The following HMBOX1 variants were observed in gnomAD, a reference collection of about 807,000 sequenced individuals.
HMBOX1 encodes the protein homeobox-containing protein 1.
Under a neutral mutation model 54.5 loss-of-function variants are expected in HMBOX1, and 14 were observed. The observed-to-expected ratio is 0.26, with a 90% confidence interval of 0.17 to 0.40. HMBOX1 has a LOEUF of 0.40. Among genes scored for constraint, HMBOX1 ranks in the 10% least tolerant of loss-of-function variants. The pLI is 1.00. For synonymous variants in HMBOX1, 160 were observed against 181.0 expected, an observed-to-expected ratio of 0.88 and a Z score of 0.93; for missense variants, 332 against 514.4, an observed-to-expected ratio of 0.65 and a Z score of 3.43.
intron 2 of HMBOX1, among the ~76,000 whole-genome samples, chr8:28,965,962 C>A (rs899965354): frequency 3.3e-5 from 5 of 151,882 alleles, no homozygotes; most frequent in Admixed American, 2.0e-4. Context: ...ACAAAACTAA[C>A]CTATTTTGCC....
At chr8:28,928,532 G>A (rs1474910723) in intron 1 of HMBOX1, among the ~76,000 whole-genome samples, 1 of 152,054 alleles carries the variant, frequency 6.6e-6, no homozygotes, top group Non-Finnish European at 1.5e-5. Context: ...TATATCCAGA[G>A]GAAATAAAGT....
chr8:28,952,238 A>G (rs993411739), intron 1 of HMBOX1, among the ~76,000 whole-genome samples: 3 of 151,730 alleles, frequency 2.0e-5, no homozygotes, highest in African/African-American at 7.3e-5. Flanking sequence ...ATATTTATTT[A>G]TTTAGTTGTA....
intron 1 of HMBOX1, among the ~76,000 whole-genome samples, chr8:28,894,358 C>T (rs1811649638): frequency 1.3e-5 from 2 of 152,108 alleles, no homozygotes; most frequent in Admixed American, 1.3e-4. Flanking sequence ...AAGAAAGAAT[C>T]TGAGCCACAA....
intron 4 of HMBOX1, among the ~76,000 whole-genome samples, chr8:28,981,116 A>G (rs570440597): frequency 1.3e-5 from 2 of 152,300 alleles, no homozygotes; most frequent in East Asian, 3.9e-4. Flanking sequence ...TAATTTACCT[A>G]AAAGGTTGTT....
chr8:28,929,941 C>T (rs1563409294), intron 1 of HMBOX1, among the ~76,000 whole-genome samples: 1 of 137,226 alleles, frequency 7.3e-6, no homozygotes, highest in Non-Finnish European at 1.6e-5. Flanking sequence ...CCGCCCGCCC[C>T]CCGCCCCGCC....
At chr8:28,894,464 C>A (rs972508724) in intron 1 of HMBOX1, among the ~76,000 whole-genome samples, 4 of 151,998 alleles carry the variant, frequency 2.6e-5, no homozygotes, top group Admixed American at 1.3e-4. Flanking sequence ...TTTTCATTAT[C>A]ATTCCAAACC....
Position 28,980,066 on chromosome 8 carries a change from G to A in HMBOX1, c.501-5G>A. On this transcript the variant is annotated splice_region_variant and splice_polypyrimidine_tract_variant and intron_variant, in intron 3 of 9. Transcript: ENST00000287701. ...ATTGTTGGTCTTGTCTTCTGTTTTT[G>A]TTAGGAGGGACAGCAGTGTGATAAA... The A allele has an allele frequency of 6.2e-7, 1 of 1,607,442 alleles. No homozygotes were observed. Among genetic ancestry groups the A allele is most frequent in the Non-Finnish European group, 8.5e-7 (1 of 1,174,022 alleles).
At chr8:28,907,450 G>C (rs1451711696) in intron 1 of HMBOX1, among the ~76,000 whole-genome samples, 1 of 152,188 alleles carries the variant, frequency 6.6e-6, no homozygotes, top group East Asian at 1.9e-4. Context: ...GGACACTCGG[G>C]ATTTGAATTA....
At chr8:28,955,125 T>C (rs2132168245) in intron 1 of HMBOX1, among the ~76,000 whole-genome samples, 1 of 152,288 alleles carries the variant, frequency 6.6e-6, no homozygotes, top group South Asian at 2.1e-4. Flanking sequence ...TGGTAGGAAT[T>C]CTTATAATTT....
chr8:28,930,296 G>T lies in HMBOX1; in HGVS notation c.-57-33515G>T, dbSNP rs111309842. Among the ~76,000 whole-genome samples, 959 of 152,182 alleles carry T rather than the reference G, an allele frequency of 6.3e-3. 12 individuals are homozygous for T. The highest frequency in any genetic ancestry group is 0.053 in the East Asian group (272 of 5,172). ...ATCTCCTTCCCCAGTTATCACTATA[G>T]CCTTATAAATTTCTTCCTTTCTGTT... On this transcript the variant is annotated intron_variant, in intron 1 of 9. Coordinates refer to ENST00000287701, the MANE Select transcript of HMBOX1 (RefSeq NM_001135726.3).
intron 2 of HMBOX1, among the ~76,000 whole-genome samples, chr8:28,968,562 G>C (rs1218885772): frequency 6.6e-6 from 1 of 152,162 alleles, no homozygotes; most frequent in Non-Finnish European, 1.5e-5. Context: ...CTACCATGGG[G>C]AGTTGCTGTG....
At chr8:28,955,390 A>G (rs953638508) in intron 1 of HMBOX1, among the ~76,000 whole-genome samples, 2 of 152,176 alleles carry the variant, frequency 1.3e-5, no homozygotes, top group Non-Finnish European at 2.9e-5. Context: ...AGAGATGTGC[A>G]TATGTATGTC....
chr8:29,010,078 C>T, intron 5 of HMBOX1: 2 of 983,284 alleles, frequency 2.0e-6, no homozygotes, highest in Non-Finnish European at 2.4e-6. Flanking sequence ...AGATTTTTTT[C>T]CCTAAAGGTC....
In HMBOX1 at chr8:29,029,697, G is replaced by A. The variant is rs193208701; in HGVS notation, c.851+10784G>A. 3.3e-5 allele frequency among the ~76,000 whole-genome samples: 5 copies of A among 152,294 alleles called. No individual in the cohort carries two copies. In the East Asian group the frequency reaches 7.7e-4, roughly 23 times the overall value. On this transcript the variant is annotated intron_variant, in intron 6 of 9. Transcript: ENST00000287701. ...TAAATGAGATTAAGTTGCTTATTTTGAGAACTTACGGTTACGGGAACCGTA... is the reference window on the plus strand; with the variant it reads ...TAAATGAGATTAAGTTGCTTATTTTAAGAACTTACGGTTACGGGAACCGTA...
At chr8:28,951,022 A>G (rs931547178) in intron 1 of HMBOX1, among the ~76,000 whole-genome samples, 1 of 152,222 alleles carries the variant, frequency 6.6e-6, no homozygotes, top group African/African-American at 2.4e-5. Flanking sequence ...ATCATATGAC[A>G]GTAGCCTGGA....
chr8:29,011,680 T>TTA, intron 5 of HMBOX1, among the ~76,000 whole-genome samples: 1 of 152,106 alleles, frequency 6.6e-6, no homozygotes, highest in South Asian at 2.1e-4. Context: ...GAGTCCAGCT[T>TTA]TAGCACTGGG....
In HMBOX1 at chr8:28,997,130, T is replaced by C. The variant is rs556716285; in HGVS notation, c.587-11942T>C. 2.0e-5 allele frequency among the ~76,000 whole-genome samples: 3 copies of C among 152,302 alleles called. No homozygotes were observed. The South Asian group carries it at 6.2e-4, about 32-fold the overall frequency. On this transcript the variant is annotated intron_variant, in intron 4 of 9. Transcript: ENST00000287701. The stretch of plus-strand genomic sequence containing the variant: ...TTTATCTTGCCTTCTAGCTAGAACC[T>C]CTAATACAATGTTTAACAGAAGTGG...
intron 3 of HMBOX1, among the ~76,000 whole-genome samples, chr8:28,979,195 T>C (rs559850032): frequency 7.9e-5 from 12 of 152,182 alleles, no homozygotes; most frequent in Non-Finnish European, 1.8e-4. Flanking sequence ...CTTTTGAAAA[T>C]AAAGCATTGA....
At chr8:28,967,784 A>G (rs1404461350) in intron 2 of HMBOX1, among the ~76,000 whole-genome samples, 1 of 152,218 alleles carries the variant, frequency 6.6e-6, no homozygotes, top group African/African-American at 2.4e-5. Flanking sequence ...AGAATATAAT[A>G]ATCATGAAAA....
Sources: gnomAD v4.1 joint callset for allele counts (sites outside exome capture counted in the v4.1 genomes callset) on GRCh38, gnomAD v4.1.1 for gene constraint, MANE v1.5 for transcripts, NCBI Gene and HGNC (gene_info 2026-07-23, HGNC 2026-07-21) for gene names.